RGPD2: variants seen among roughly 807,000 people sequenced by gnomAD.
The protein encoded by RGPD2 is RANBP2 like and GRIP domain containing 2.
RGPD2 carries 2 observed loss-of-function variants against 36.0 expected under a neutral mutation model. The observed-to-expected ratio is 0.06, with a 90% CI of 0.02 to 0.17. The LOEUF (loss-of-function observed/expected upper bound fraction) is 0.17, where lower values mean the gene tolerates loss of function less well. Among genes scored for constraint, RGPD2 ranks in the 10% least tolerant of loss-of-function variants. The pLI, the probability that RGPD2 is intolerant of heterozygous loss-of-function variation, is 1.00. For synonymous variants in RGPD2, 19 were observed against 163.8 expected, an observed-to-expected ratio of 0.12 and a Z score of 6.75; for missense variants, 40 against 464.3, an observed-to-expected ratio of 0.09 and a Z score of 8.40.
At chr2:87,974,442 T>C in the RGPD2 span, among the ~76,000 whole-genome samples, 10 of 151,348 alleles carry the variant, frequency 6.6e-5, no homozygotes, top group Non-Finnish European at 1.3e-4. Flanking sequence ...ATAATGTACA[T>C]CCTGTGACCT....
chr2:87,874,626 TTGAAG>T, the RGPD2 span, among the ~76,000 whole-genome samples: 4 of 148,082 alleles, frequency 2.7e-5, no homozygotes, highest in African/African-American at 7.4e-5. Flanking sequence ...GCAGTTTAAT[TTGAAG>T]TGTAGTGTAA....
At chr2:87,813,636 A>T (rs1477117298) in intron 4 of RGPD2, among the ~76,000 whole-genome samples, 2 of 114,918 alleles carry the variant, frequency 1.7e-5, no homozygotes, top group African/African-American at 6.8e-5. Flanking sequence ...GATGAGATGG[A>T]TGATACCCTG....
chr2:87,769,550 T>A (rs917542995), intron 22 of RGPD2, among the ~76,000 whole-genome samples: 1 of 150,756 alleles, frequency 6.6e-6, no homozygotes, highest in African/African-American at 2.4e-5. Flanking sequence ...CTTTTAGAAC[T>A]TCTAAATCAA....
At chr2:87,897,558 C>T in the RGPD2 span, among the ~76,000 whole-genome samples, 1 of 151,702 alleles carries the variant, frequency 6.6e-6, no homozygotes, top group Admixed American at 6.6e-5. Flanking sequence ...ATTTGCTGCA[C>T]CTATCAACCC....
At chr2:87,921,863 G>C in the RGPD2 span, among the ~76,000 whole-genome samples, 1 of 152,052 alleles carries the variant, frequency 6.6e-6, no homozygotes, top group Admixed American at 6.6e-5. Flanking sequence ...ATAAGAAGTG[G>C]AAGCCTGGAG....
the RGPD2 span, chr2:87,985,641 T>C: frequency 4.0e-6 from 5 of 1,258,894 alleles, no homozygotes; most frequent in Non-Finnish European, 5.7e-6. Flanking sequence ...GGTACGCCTA[T>C]TATGTAGTCT....
upstream of RGPD2, chr2:87,825,911 G>T (rs1260041585): frequency 5.3e-6 from 4 of 758,442 alleles, no homozygotes; most frequent in Non-Finnish European, 7.9e-6. Context: ...AGCTGCACTC[G>T]GCCGGGCTCT....
chr2:87,916,211 T>A, the RGPD2 span, among the ~76,000 whole-genome samples: 5 of 150,692 alleles, frequency 3.3e-5, no homozygotes, highest in African/African-American at 1.2e-4. Flanking sequence ...GTTTTCTTTG[T>A]CTGCCTGTTT....
the RGPD2 span, among the ~76,000 whole-genome samples, chr2:87,919,587 C>T: frequency 6.7e-6 from 1 of 149,458 alleles, no homozygotes; most frequent in East Asian, 1.9e-4. Flanking sequence ...ATTGTTATGA[C>T]TATAAAAACT....
At chr2:87,825,539 G>T in intron 1 of RGPD2, 119 bp downstream of exon 1, 1 of 636,024 alleles carries the variant, frequency 1.6e-6, no homozygotes, top group African/African-American at 3.5e-5. Flanking sequence ...GGCCGAGGCC[G>T]AGGCCGCCGC....
chr2:87,830,247 C>G (rs1672448445), upstream of RGPD2, among the ~76,000 whole-genome samples: 1 of 152,262 alleles, frequency 6.6e-6, no homozygotes, highest in African/African-American at 2.4e-5. Context: ...CAGGCTCTCT[C>G]CTGGGTACTT....
At chr2:87,930,933 T>C in the RGPD2 span, among the ~76,000 whole-genome samples, 12 of 137,664 alleles carry the variant, frequency 8.7e-5, no homozygotes, top group Non-Finnish European at 1.6e-4. Context: ...CCTTTTGTCA[T>C]TTCTGATTGT....
chr2:87,939,425 GT>G, the RGPD2 span, among the ~76,000 whole-genome samples: 1 of 151,966 alleles, frequency 6.6e-6, no homozygotes, highest in Non-Finnish European at 1.5e-5. Context: ...TTGTTTGCAA[GT>G]CTTTAACTGA....
At chr2:87,809,920 AG>A (rs1391278467) in intron 6 of RGPD2, among the ~76,000 whole-genome samples, 4 of 77,718 alleles carry the variant, frequency 5.1e-5, no homozygotes, top group Non-Finnish European at 1.1e-4. Context: ...GAGCATTGAG[AG>A]GAAATTGTGA....
At chr2:87,831,089 A>G in the RGPD2 span, among the ~76,000 whole-genome samples, 1 of 152,242 alleles carries the variant, frequency 6.6e-6, no homozygotes, top group Non-Finnish European at 1.5e-5. Flanking sequence ...AAAATAATGG[A>G]AAGTATGGTA....
the RGPD2 span, among the ~76,000 whole-genome samples, chr2:87,857,774 T>C: frequency 8.3e-4 from 102 of 123,484 alleles, no homozygotes; most frequent in Middle Eastern, 4.1e-3. Flanking sequence ...CCATCTCTAC[T>C]AAAAAAAAAA....
chr2:87,909,084 G>A, the RGPD2 span, among the ~76,000 whole-genome samples: 1 of 149,456 alleles, frequency 6.7e-6, no homozygotes, highest in Non-Finnish European at 1.5e-5. Context: ...AAGGTCCTAA[G>A]AGTCAGGGAT....
chr2:87,897,013 A>T, the RGPD2 span, among the ~76,000 whole-genome samples: 1 of 152,290 alleles, frequency 6.6e-6, no homozygotes, highest in African/African-American at 2.4e-5. Context: ...CATTTACAAA[A>T]CACAACACAT....
the RGPD2 span, chr2:87,985,768 C>A: frequency 1.9e-6 from 3 of 1,609,986 alleles, no homozygotes; most frequent in Non-Finnish European, 2.5e-6. Flanking sequence ...AAACCCATCA[C>A]GTTCATGAGA....
Sources: gnomAD v4.1 joint callset for allele counts (sites outside exome capture counted in the v4.1 genomes callset) on GRCh38, gnomAD v4.1.1 for gene constraint, MANE v1.5 for transcripts, NCBI Gene and HGNC (gene_info 2026-07-23, HGNC 2026-07-21) for gene names.